SLC38A6: variants seen among roughly 807,000 people sequenced by gnomAD.
The protein encoded by SLC38A6 is N system amino acid transporter NAT-1.
In SLC38A6, 73 loss-of-function variants were observed where a neutral mutation model predicts 65.0. The observed-to-expected ratio is 1.12, with a 90% CI of 0.93 to 1.37. SLC38A6 has a LOEUF of 1.37. Among genes scored for constraint, SLC38A6 ranks in the 40% most tolerant of loss-of-function variants. The pLI is 0.00. For missense variants in SLC38A6, 561 were observed against 531.1 expected, an observed-to-expected ratio of 1.06 and a Z score of -0.55; for synonymous variants, 183 against 178.8, an observed-to-expected ratio of 1.02 and a Z score of -0.19.
intron 15 of SLC38A6, among the ~76,000 whole-genome samples, chr14:61,069,910 TAG>T (rs376908975): frequency 2.3e-4 from 35 of 149,782 alleles, no homozygotes; most frequent in Non-Finnish European, 3.0e-4. Context: ...ATGCCTCTCT[TAG>T]AGAGAGAGAG....
intron 3 of SLC38A6, among the ~76,000 whole-genome samples, chr14:60,995,284 G>T (rs2038209192): frequency 6.6e-6 from 1 of 152,176 alleles, no homozygotes; most frequent in Non-Finnish European, 1.5e-5. Flanking sequence ...GTGCAATATT[G>T]TTCAGACTTA....
chr14:61,066,882 AC>A (rs2043035889), intron 15 of SLC38A6, among the ~76,000 whole-genome samples: 3 of 152,178 alleles, frequency 2.0e-5, no homozygotes, highest in Admixed American at 1.3e-4. Flanking sequence ...CAGATACACA[AC>A]ACAAGCAAAA....
intron 3 of SLC38A6, among the ~76,000 whole-genome samples, chr14:61,012,254 T>G (rs1198398390): frequency 7.2e-5 from 11 of 152,166 alleles, no homozygotes; most frequent in Non-Finnish European, 1.2e-4. Flanking sequence ...TTTTATTGCA[T>G]CTATTTGATT....
At chr14:61,050,217 C>A (rs910286909) in intron 12 of SLC38A6, among the ~76,000 whole-genome samples, 4 of 152,076 alleles carry the variant, frequency 2.6e-5, no homozygotes. Context: ...ACAAACAGCA[C>A]AAATGTTCAA....
intron 1 of SLC38A6, chr14:60,981,670 G>C (rs2037035977): frequency 5.0e-6 from 7 of 1,407,960 alleles, no homozygotes; most frequent in Non-Finnish European, 6.6e-6. Context: ...GCGGCCCTAG[G>C]ATTATGTACT....
chr14:61,025,496 C>G (rs2040557265), intron 5 of SLC38A6, among the ~76,000 whole-genome samples: 1 of 152,014 alleles, frequency 6.6e-6, no homozygotes, highest in African/African-American at 2.4e-5. Context: ...AAAGCACTGC[C>G]TTAGAATAGG....
intron 6 of SLC38A6, among the ~76,000 whole-genome samples, chr14:61,033,084 G>A (rs1384610343): frequency 6.6e-6 from 1 of 151,886 alleles, no homozygotes; most frequent in Non-Finnish European, 1.5e-5. Context: ...ATCTGTGGCT[G>A]TTAAAGTTGG....
At chr14:61,045,265 G>A (rs111836223) in intron 10 of SLC38A6, 81 bp from the exon 11 acceptor site, 2 of 881,012 alleles carry the variant, frequency 2.3e-6, no homozygotes, top group South Asian at 3.0e-5. Context: ...ATTTTTTAAA[G>A]AACTGAGTTT....
At chr14:61,078,948 C>G (rs1449829248) in intron 16 of SLC38A6, 1 of 159,236 alleles carries the variant, frequency 6.3e-6, no homozygotes, top group African/African-American at 2.4e-5. Context: ...CCATGCCCAG[C>G]TAATTTTTGT....
chr14:61,000,731 G>A (rs1030661590), intron 3 of SLC38A6, among the ~76,000 whole-genome samples: 2 of 152,122 alleles, frequency 1.3e-5, no homozygotes, highest in East Asian at 1.9e-4. Flanking sequence ...TCAATAAAGA[G>A]CTGACAGCCC....
chr14:61,011,539 T>A (rs1470945659), intron 3 of SLC38A6, among the ~76,000 whole-genome samples: 1 of 152,168 alleles, frequency 6.6e-6, no homozygotes, highest in East Asian at 1.9e-4. Flanking sequence ...GCTCTTATTA[T>A]TTTGAGATAC....
At chr14:60,997,810 C>G (rs986432436) in intron 3 of SLC38A6, among the ~76,000 whole-genome samples, 3 of 152,122 alleles carry the variant, frequency 2.0e-5, no homozygotes, top group Non-Finnish European at 4.4e-5. Flanking sequence ...AGGTTTCCGG[C>G]TTGAGCCACT....
Position 61,079,815 on chromosome 14 carries a change from G to A in SLC38A6, c.1408+888G>A, listed in dbSNP as rs1409480082. Among the ~76,000 whole-genome samples, 6 of 152,088 alleles carry A rather than the reference G, an allele frequency of 3.9e-5. No individual in the cohort carries two copies. The East Asian group carries it at 9.7e-4, about 24-fold the overall frequency. ...TGCAGTATACTTGGTGAGTGTTGAT[G>A]GTTTAAGAGTGTGCCCTGAACAACG... is the stretch of plus-strand genomic sequence containing the variant. On this transcript the variant is annotated intron_variant, in intron 16 of 16. Transcript: ENST00000354886.
intron 3 of SLC38A6, among the ~76,000 whole-genome samples, chr14:61,006,964 A>G (rs1442482128): frequency 6.6e-6 from 1 of 152,246 alleles, no homozygotes; most frequent in African/African-American, 2.4e-5. Flanking sequence ...AAAATGTGGC[A>G]CATATACACC....
At chr14:61,074,368 C>T (rs1419237401) in intron 15 of SLC38A6, among the ~76,000 whole-genome samples, 1 of 152,166 alleles carries the variant, frequency 6.6e-6, no homozygotes, top group African/African-American at 2.4e-5. Context: ...TTTCTCATAG[C>T]TCTGGAAGCT....
intron 3 of SLC38A6, among the ~76,000 whole-genome samples, chr14:61,015,393 A>G (rs964507699): frequency 6.6e-6 from 1 of 152,034 alleles, no homozygotes; most frequent in Admixed American, 6.6e-5. Context: ...ACTGTCCTGC[A>G]CCCACTGTCC....
rs577124323 is a variant in SLC38A6 at position 61,011,569 on chromosome 14, T to C, written c.311-4335T>C. ...AGATACGTCCCATCAATACCTAATT[T>C]ATTGAGAGTTTTTAGCATGAATGGG... On this transcript the variant is annotated intron_variant, in intron 3 of 15. Transcript: ENST00000267488. Among the ~76,000 whole-genome samples the C allele has an allele frequency of 8.7e-4, 133 of 152,240 alleles. 1 individual carries two copies. Among genetic ancestry groups the C allele is most frequent in the African/African-American group, 3.1e-3 (129 of 41,526 alleles).
intron 5 of SLC38A6, among the ~76,000 whole-genome samples, chr14:61,027,128 T>G (rs1319026142): frequency 6.6e-6 from 1 of 152,210 alleles, no homozygotes; most frequent in Non-Finnish European, 1.5e-5. Flanking sequence ...TTTCAACTTC[T>G]GTGTTTTCAG....
At chr14:61,006,028 T>C (rs892191351) in intron 3 of SLC38A6, among the ~76,000 whole-genome samples, 2 of 152,070 alleles carry the variant, frequency 1.3e-5, no homozygotes, top group African/African-American at 4.8e-5. Flanking sequence ...ATGCCGCATA[T>C]CTACACCTAT....
Sources: gnomAD v4.1 joint callset for allele counts (sites outside exome capture counted in the v4.1 genomes callset) on GRCh38, gnomAD v4.1.1 for gene constraint, MANE v1.5 for transcripts, NCBI Gene and HGNC (gene_info 2026-07-23, HGNC 2026-07-21) for gene names.